Variants in MAP4K3 observed in about 807,000 individuals in gnomAD.
The protein encoded by MAP4K3 is mitogen-activated protein kinase kinase kinase kinase 3.
Under a neutral mutation model 143.5 loss-of-function variants are expected in MAP4K3, and 94 were observed. The ratio of observed to expected loss-of-function variants is 0.65; its 90% confidence interval spans 0.55 to 0.78. The LOEUF is 0.78. MAP4K3 is among the 30% of genes least tolerant of loss of function. MAP4K3 has a pLI of 0.00. For synonymous variants in MAP4K3, 416 were observed against 347.2 expected (o/e 1.20, Z -2.20); for missense variants, 1,077 against 1,068.1 (o/e 1.01, Z -0.12).
At chr2:39,253,650 T>C (rs1452142617) in intron 32 of MAP4K3, among the ~76,000 whole-genome samples, 1 of 152,226 alleles carries the variant, frequency 6.6e-6, no homozygotes, top group Non-Finnish European at 1.5e-5. Flanking sequence ...AACACTGTGG[T>C]ATATTGCTTA....
chr2:39,376,048 C>A (rs183997849), intron 2 of MAP4K3, among the ~76,000 whole-genome samples: 143 of 152,262 alleles, frequency 9.4e-4, no homozygotes, highest in African/African-American at 3.3e-3. Context: ...GCATGACAAT[C>A]ATTGTGTCGG....
intron 23 of MAP4K3, among the ~76,000 whole-genome samples, chr2:39,279,036 G>T (rs1217304920): frequency 4.6e-5 from 7 of 151,856 alleles, no homozygotes; most frequent in African/African-American, 7.3e-5. Context: ...CCATTTTTTT[G>T]TTTGTTTGTT....
chr2:39,286,957 T>C lies in MAP4K3; in HGVS notation c.1482A>G (p.Gly494=). The change falls in exon 21 of 34, where the codon GGA becomes GGG. Residue 494 remains glycine (G), a synonymous_variant. Transcript: ENST00000263881. ...CACCATTTAACTGGAAGGAGCTCAT[T>C]CCATTTCCTTCAATAAGATATATTC... is the stretch of plus-strand genomic sequence containing the variant. ...PPHKPVALGN[G]MSSFQLNGER... is the part of the protein sequence containing the mutation. The C allele has an allele frequency of 6.3e-7, 1 of 1,588,566 alleles. No homozygotes were observed. Among genetic ancestry groups the C allele is most frequent in the Non-Finnish European group, 8.6e-7 (1 of 1,162,290 alleles).
chr2:39,258,798 G>A (rs1321268818), intron 29 of MAP4K3, among the ~76,000 whole-genome samples: 1 of 152,220 alleles, frequency 6.6e-6, no homozygotes, highest in Non-Finnish European at 1.5e-5. Flanking sequence ...GTTGGCTGTT[G>A]TCAATACTAC....
At chr2:39,262,894 C>T (rs1227116438) in intron 28 of MAP4K3, among the ~76,000 whole-genome samples, 1 of 152,066 alleles carries the variant, frequency 6.6e-6, no homozygotes, top group Non-Finnish European at 1.5e-5. Context: ...CACCTGAGGT[C>T]AGGAGTTCGA....
rs964534521 is a variant in MAP4K3, at chr2:39,297,851, A to C, written c.1178+1892T>G. Among the ~76,000 whole-genome samples, 3 of 152,230 alleles carry C rather than the reference A, an allele frequency of 2.0e-5. No homozygotes were observed. In the South Asian group the frequency reaches 6.2e-4, roughly 32 times the overall value. On this transcript the variant is annotated intron_variant, in intron 16 of 33. Transcript: ENST00000263881. Reference sequence around the variant, plus strand: ...TCGTTACATAGAATACAGTTCCTTAAGCAGGGATCCAATTCATCAAAAAAT... The same window carrying C: ...TCGTTACATAGAATACAGTTCCTTACGCAGGGATCCAATTCATCAAAAAAT...
At chr2:39,358,046 A>C (rs1665660342) in intron 2 of MAP4K3, among the ~76,000 whole-genome samples, 1 of 152,200 alleles carries the variant, frequency 6.6e-6, no homozygotes, top group African/African-American at 2.4e-5. Flanking sequence ...AGCATTGAGG[A>C]GAAACAGGTA....
chr2:39,339,635 C>G (rs1309188014), intron 4 of MAP4K3, among the ~76,000 whole-genome samples: 1 of 152,106 alleles, frequency 6.6e-6, no homozygotes, highest in African/African-American at 2.4e-5. Context: ...TCTCAGAGGG[C>G]TACATCCTCA....
At chr2:39,288,013 T>C in intron 20 of MAP4K3, 108 bp downstream of exon 20, 1 of 1,373,996 alleles carries the variant, frequency 7.3e-7, no homozygotes, top group Non-Finnish European at 1.0e-6. Context: ...ACTGCTTTCC[T>C]TCTGTCCTCC....
chr2:39,328,740 A>G (rs1683584259), intron 8 of MAP4K3, among the ~76,000 whole-genome samples: 2 of 152,166 alleles, frequency 1.3e-5, no homozygotes, highest in African/African-American at 4.8e-5. Context: ...AAACCTGACT[A>G]AGAAATGTAG....
chr2:39,333,402 C>T (rs901700498), intron 7 of MAP4K3, 130 bp downstream of exon 7: 49 of 671,620 alleles, frequency 7.3e-5, no homozygotes, highest in South Asian at 4.4e-4. Context: ...AGCATGGCAA[C>T]GAGATTTCCA....
intron 1 of MAP4K3, among the ~76,000 whole-genome samples, chr2:39,380,343 G>T (rs961816164): frequency 6.6e-6 from 1 of 151,982 alleles, no homozygotes; most frequent in African/African-American, 2.4e-5. Flanking sequence ...CAGGAATCTT[G>T]GTCTTCTGCC....
At chr2:39,376,967 A>C (rs1487900443) in intron 2 of MAP4K3, among the ~76,000 whole-genome samples, 3 of 152,204 alleles carry the variant, frequency 2.0e-5, no homozygotes, top group Admixed American at 6.6e-5. Flanking sequence ...TTTAGAATAT[A>C]ACGACTACAT....
intron 2 of MAP4K3, among the ~76,000 whole-genome samples, chr2:39,360,322 T>C (rs554646477): frequency 6.6e-6 from 1 of 152,356 alleles, no homozygotes; most frequent in African/African-American, 2.4e-5. Flanking sequence ...TTATTGTCCA[T>C]ATCACTATCA....
At chr2:39,434,504 A>G (rs1665392187) in intron 1 of MAP4K3, among the ~76,000 whole-genome samples, 1 of 152,032 alleles carries the variant, frequency 6.6e-6, no homozygotes, top group African/African-American at 2.4e-5. Flanking sequence ...GTGGCACAGC[A>G]GGAATTAGGT....
chr2:39,388,734 G>C (rs1350922595), intron 1 of MAP4K3, among the ~76,000 whole-genome samples: 1 of 152,142 alleles, frequency 6.6e-6, no homozygotes, highest in Non-Finnish European at 1.5e-5. Flanking sequence ...AGAGCATAGG[G>C]TTAAAATTTA....
intron 1 of MAP4K3, among the ~76,000 whole-genome samples, chr2:39,395,330 C>T (rs1257003723): frequency 3.4e-3 from 1 of 292 alleles, no homozygotes. Context: ...CGTACACATA[C>T]ACACACACAC....
At chr2:39,436,681 G>A (rs999579348) in intron 1 of MAP4K3, 60 of 564,324 alleles carry the variant, frequency 1.1e-4, no homozygotes, top group Admixed American at 2.6e-4. Flanking sequence ...TCCACCGGGG[G>A]GGCTCAGGTA....
In MAP4K3 at chr2:39,326,246, T is replaced by C; in HGVS notation, c.562A>G (p.Lys188Glu). 1 of 1,613,918 alleles carries C rather than the reference T, an allele frequency of 6.2e-7. No homozygotes were observed. The highest frequency in any genetic ancestry group is 8.5e-7 in the Non-Finnish European group (1 of 1,179,888). Residue 188 changes from lysine to glutamate, a missense_variant, in exon 9 of 34, where the codon AAG becomes GAG. Transcript: ENST00000263881. ...MAPEVAAVER[K>E]GGYNQLCDLW... Reference sequence around the variant, plus strand: ...TCACAGAGTTGATTGTAACCCCCCTTCCTCTCAACAGCTGCAACTTCTGGA... The same window carrying C: ...TCACAGAGTTGATTGTAACCCCCCTCCCTCTCAACAGCTGCAACTTCTGGA...
Sources: gnomAD v4.1 joint callset for allele counts (sites outside exome capture counted in the v4.1 genomes callset) on GRCh38, gnomAD v4.1.1 for gene constraint, MANE v1.5 for transcripts, NCBI Gene and HGNC (gene_info 2026-07-23, HGNC 2026-07-21) for gene names.